Variants in SMYD1 observed in about 807,000 individuals in gnomAD.
SMYD1 encodes histone-lysine N-methyltransferase SMYD1.
SMYD1 carries 49 observed loss-of-function variants against 54.0 expected under a neutral mutation model. The observed-to-expected ratio is 0.91, with a 90% CI of 0.72 to 1.15. The LOEUF is 1.15. Ranked by LOEUF, SMYD1 falls within the 50% of genes most tolerant of loss-of-function variation. The pLI is 0.00. For synonymous variants in SMYD1, 269 were observed against 234.2 expected, an observed-to-expected ratio of 1.15 and a Z score of -1.36; for missense variants, 653 against 639.6, an observed-to-expected ratio of 1.02 and a Z score of -0.23.
At chr2:88,101,463 C>A (rs938367967) in intron 6 of SMYD1, among the ~76,000 whole-genome samples, 57 of 152,186 alleles carry the variant, frequency 3.7e-4, no homozygotes, top group African/African-American at 1.3e-3. Context: ...TGGTATAATT[C>A]CAGTTAGAAA....
chr2:88,103,642 C>CA lies in SMYD1; in HGVS notation c.981+493dup, dbSNP rs142634787. On this transcript the variant is annotated intron_variant, in intron 7 of 9. Transcript: ENST00000419482. Reference sequence around the variant, plus strand: ...AAATTTTGATGCTCAGGCCCCCACTCAGGACAATTTCACCAGAATCTCTGG... The same window carrying CA: ...AAATTTTGATGCTCAGGCCCCCACTCAAGGACAATTTCACCAGAATCTCTGG... Among the ~76,000 whole-genome samples the CA allele has an allele frequency of 6.7e-3, 1,027 of 152,280 alleles. 12 individuals carry two copies. Among genetic ancestry groups the CA allele is most frequent in the African/African-American group, 0.023 (957 of 41,546 alleles).
rs1365664014 is a variant in SMYD1 at position 88,108,458 on chromosome 2, G to T, written c.1233G>T (p.Val411=). The change falls in exon 9 of 10, where the codon GTG becomes GTT. Residue 411 remains valine, a synonymous_variant. Coordinates refer to ENST00000419482, the MANE Select transcript of SMYD1 (RefSeq NM_198274.4). ...ACTGGCATGCTGGTAACATTGAGGT[G>T]GGGCACGGGATGATCTGCAAAGCCT... ...LTNWHAGNIE[V]GHGMICKAYA... 3 of 1,612,972 alleles carry T rather than the reference G, an allele frequency of 1.9e-6. No homozygotes were observed. The highest frequency in any genetic ancestry group is 2.5e-6 in the Non-Finnish European group (3 of 1,179,520).
intron 7 of SMYD1, among the ~76,000 whole-genome samples, 155 bp downstream of exon 7, chr2:88,103,305 T>G (rs568645538): frequency 1.2e-3 from 190 of 152,234 alleles, no homozygotes; most frequent in African/African-American, 4.4e-3. Flanking sequence ...AGATCATGAC[T>G]CTTCTTGTCC....
intron 7 of SMYD1, among the ~76,000 whole-genome samples, chr2:88,103,826 A>G (rs1207484127): frequency 1.3e-5 from 2 of 152,166 alleles, no homozygotes; most frequent in African/African-American, 4.8e-5. Flanking sequence ...ATACTCTAAG[A>G]TGTGACTCAT....
chr2:88,075,497 C>T (rs1424267906), intron 1 of SMYD1, among the ~76,000 whole-genome samples: 1 of 150,172 alleles, frequency 6.7e-6, no homozygotes, highest in Non-Finnish European at 1.5e-5. Flanking sequence ...AATTGACAAT[C>T]TCCAGGCTTG....
At chr2:88,090,722 A>G (rs1414717750) in intron 3 of SMYD1, among the ~76,000 whole-genome samples, 1 of 152,222 alleles carries the variant, frequency 6.6e-6, no homozygotes, top group Non-Finnish European at 1.5e-5. Flanking sequence ...TGTAAGACCC[A>G]GATACAGAAA....
At chr2:88,088,880 G>A (rs936604254) in intron 3 of SMYD1, among the ~76,000 whole-genome samples, 13 of 152,152 alleles carry the variant, frequency 8.5e-5, no homozygotes, top group Admixed American at 4.6e-4. Flanking sequence ...GCGAGAACCC[G>A]GTGGATGAGG....
chr2:88,087,862 G>GAGTGTAGAT lies in SMYD1; in HGVS notation c.315_316insAGTGTAGAT (p.Arg105_Leu106insSerValAsp). On this transcript the variant is annotated inframe_insertion and splice_region_variant, in exon 3 of 10. Coordinates refer to ENST00000419482, the MANE Select transcript of SMYD1 (RefSeq NM_198274.4). ...CCTCCTGACGCTGCCCTTCCCACAG[G>GAGTGTAGAT]CTGGCGGCGCGCATCATGTGGCGGG... 1 of 1,573,126 alleles carries GAGTGTAGAT rather than the reference G, an allele frequency of 6.4e-7. No homozygotes were observed. The highest frequency in any genetic ancestry group is 8.6e-7 in the Non-Finnish European group (1 of 1,158,820).
chr2:88,107,759 C>T (rs1214334921), intron 8 of SMYD1, among the ~76,000 whole-genome samples: 1 of 152,234 alleles, frequency 6.6e-6, no homozygotes, highest in Non-Finnish European at 1.5e-5. Context: ...GGGATATAAT[C>T]TCCTGGGGTA....
At chr2:88,106,277 G>C in intron 7 of SMYD1, 48 bp from the exon 8 acceptor site, 1 of 1,600,658 alleles carries the variant, frequency 6.2e-7, no homozygotes. Flanking sequence ...TGAATTAAAC[G>C]TGTGCTCTGG....
At chr2:88,080,208 T>C (rs1573104274) in intron 1 of SMYD1, among the ~76,000 whole-genome samples, 1 of 148,524 alleles carries the variant, frequency 6.7e-6, no homozygotes, top group East Asian at 1.9e-4. Flanking sequence ...AAATAAGCAG[T>C]GATTATAAAG....
Position 88,091,017 on chromosome 2 carries a change from C to CT in SMYD1, c.535dup (p.Cys179LeufsTer8). 6.2e-7 allele frequency: 1 copy of CT among 1,613,106 alleles called. No individual in the cohort carries two copies. Among genetic ancestry groups the CT allele is most frequent in the Non-Finnish European group, 8.5e-7 (1 of 1,179,366 alleles). ...TCATCTTTTCCCCTGGGTAGATTAA[C>CT]TGCAACGGTTTTACTCTCAGTGATC... On this transcript the variant is annotated frameshift_variant, in exon 4 of 10. Coordinates refer to ENST00000419482, the MANE Select transcript of SMYD1 (RefSeq NM_198274.4). LOFTEE classifies it high-confidence loss of function.
intron 5 of SMYD1, among the ~76,000 whole-genome samples, 198 bp from the exon 6 acceptor site, chr2:88,096,396 CG>C (rs1289639359): frequency 6.6e-6 from 1 of 152,194 alleles, no homozygotes; most frequent in Non-Finnish European, 1.5e-5. Flanking sequence ...ATGGATCAGA[CG>C]GTTCTAAGGA....
chr2:88,088,574 C>A (rs1674392880), intron 3 of SMYD1, among the ~76,000 whole-genome samples: 1 of 152,172 alleles, frequency 6.6e-6, no homozygotes, highest in South Asian at 2.1e-4. Context: ...GAATTGGCAT[C>A]CCACATACAA....
intron 6 of SMYD1, among the ~76,000 whole-genome samples, chr2:88,101,118 A>C (rs1674709922): frequency 6.6e-6 from 1 of 152,256 alleles, no homozygotes; most frequent in Non-Finnish European, 1.5e-5. Flanking sequence ...AACCCATGGC[A>C]GAACTGGTCC....
rs368510507 is a variant in SMYD1, at chr2:88,105,374, T to TACACAC, written c.982-950_982-949insCACACA. Among the ~76,000 whole-genome samples the TACACAC allele has an allele frequency of 1.2e-4, 17 of 146,740 alleles. 1 individual carries two copies. Among genetic ancestry groups the TACACAC allele is most frequent in the Middle Eastern group, 3.4e-3 (1 of 294 alleles). Reference sequence around the variant, plus strand: ...TTGTATATGTATATATGCGCATGCATATATACACACACACACACACACACA... The same window carrying TACACAC: ...TTGTATATGTATATATGCGCATGCATACACACATATACACACACACACACACACACA... On this transcript the variant is annotated intron_variant, in intron 7 of 9. Coordinates refer to ENST00000419482, the MANE Select transcript of SMYD1 (RefSeq NM_198274.4).
intron 2 of SMYD1, among the ~76,000 whole-genome samples, chr2:88,084,899 C>T (rs1234049345): frequency 6.6e-6 from 1 of 152,140 alleles, no homozygotes; most frequent in Non-Finnish European, 1.5e-5. Flanking sequence ...CACAGGCACA[C>T]ACCTCCACAT....
chr2:88,069,248 C>T (rs1673896902), intron 1 of SMYD1, among the ~76,000 whole-genome samples: 1 of 152,244 alleles, frequency 6.6e-6, no homozygotes, highest in Middle Eastern at 3.4e-3. Context: ...GCACTGACCA[C>T]CCTGGGAAAG....
chr2:88,068,936 C>T lies in SMYD1; in HGVS notation c.137+935C>T, dbSNP rs568426542. On this transcript the variant is annotated intron_variant, in intron 1 of 9. Coordinates refer to ENST00000419482, the MANE Select transcript of SMYD1 (RefSeq NM_198274.4). ...AAATCCTTGATCGTGTCTACCTGTA[C>T]ATATGTTCGATTGTTCTCCAGGGCA... is the stretch of plus-strand genomic sequence containing the variant. Among the ~76,000 whole-genome samples the T allele has an allele frequency of 2.8e-4, 42 of 152,110 alleles. 1 individual carries two copies. The highest frequency in any genetic ancestry group is 5.9e-4 in the Admixed American group (9 of 15,278).
Sources: allele counts gnomAD v4.1 joint callset (sites outside exome capture counted in the v4.1 genomes callset), GRCh38; gene constraint gnomAD v4.1.1; transcripts MANE v1.5; gene names NCBI Gene and HGNC (gene_info 2026-07-23, HGNC 2026-07-21).